SLFNL1: variants seen among roughly 807,000 people sequenced by gnomAD.
SLFNL1 encodes schlafen like 1.
In SLFNL1, 26 loss-of-function variants were observed where a neutral mutation model predicts 32.5. The ratio of observed to expected loss-of-function variants is 0.80; its 90% confidence interval spans 0.59 to 1.11. The LOEUF is 1.11. Among genes scored for constraint, SLFNL1 ranks in the 50% least tolerant of loss-of-function variants. The pLI is 0.00. For synonymous variants in SLFNL1, 255 were observed against 242.2 expected, an observed-to-expected ratio of 1.05 and a Z score of -0.49; for missense variants, 553 against 546.5, an observed-to-expected ratio of 1.01 and a Z score of -0.12.
chr1:41,017,427 A>G lies in SLFNL1; in HGVS notation c.958-50T>C, dbSNP rs1445009173. 2 of 1,587,866 alleles carry G rather than the reference A, an allele frequency of 1.3e-6. No individual in the cohort carries two copies. Among genetic ancestry groups the G allele is most frequent in the Non-Finnish European group, 1.7e-6 (2 of 1,166,654 alleles). ...GGAGGCGCCGCCCCTCACGGTCGGC[A>G]GCCCCCATCCTGCCAGGCTGCTCAG... is the stretch of plus-strand genomic sequence containing the variant. On this transcript the variant is annotated intron_variant, in intron 4 of 5. Transcript: ENST00000302946. The surrounding 1 kb of genome is among the most constrained non-coding windows in gnomAD (Gnocchi z 4.9).
chr1:41,018,297 G>C, intron 3 of SLFNL1, 141 bp from the exon 4 acceptor site: 1 of 854,546 alleles, frequency 1.2e-6, no homozygotes, highest in Non-Finnish European at 1.7e-6. Flanking sequence ...TCACCAGGCC[G>C]AGGGGCCCAG....
At chr1:41,018,377 C>T in intron 3 of SLFNL1, 1 of 456,382 alleles carries the variant, frequency 2.2e-6, no homozygotes, top group Non-Finnish European at 3.8e-6. Context: ...GCGCTCCTTT[C>T]CCTGCCAAGC....
chr1:41,020,266 AG>A lies in SLFNL1; in HGVS notation c.394del (p.Leu132CysfsTer3). The A allele has an allele frequency of 6.2e-7, 1 of 1,611,056 alleles. No homozygotes were observed. Among genetic ancestry groups the A allele is most frequent in the Non-Finnish European group, 8.5e-7 (1 of 1,178,502 alleles). ...LKELAARGKD[L>X]LLSEAQGPFS... Reference sequence around the variant, plus strand: ...GGGCCCTTGGGCCTCACTCAATAGCAGGTCCTTCCCACGGGCTGCCAGCTCC... The same window carrying A: ...GGGCCCTTGGGCCTCACTCAATAGCAGTCCTTCCCACGGGCTGCCAGCTCC... On this transcript the variant is annotated frameshift_variant, in exon 3 of 6. Coordinates refer to ENST00000302946, the MANE Select transcript of SLFNL1 (RefSeq NM_144990.4). LOFTEE classifies it high-confidence loss of function.
rs1263987428 is a variant in SLFNL1 at position 41,017,755 on chromosome 1, GTCC to G, written c.834_836del (p.Glu278del). 1.1e-5 allele frequency: 17 copies of G among 1,608,024 alleles called. No individual in the cohort carries two copies. Among genetic ancestry groups the G allele is most frequent in the Admixed American group, 1.7e-5 (1 of 59,718 alleles). On this transcript the variant is annotated inframe_deletion, in exon 4 of 6. Coordinates refer to ENST00000302946, the MANE Select transcript of SLFNL1 (RefSeq NM_144990.4). The surrounding 1 kb of genome is among the most constrained non-coding windows in gnomAD (Gnocchi z 4.9). ...TGGAGTCCACCAGCAGGCGTGCGCGGTCCTCGTCACGGTGGCTGCAGCGGATGC... is the reference window on the plus strand; with the variant it reads ...TGGAGTCCACCAGCAGGCGTGCGCGGTCGTCACGGTGGCTGCAGCGGATGC...
Position 41,020,561 on chromosome 1 carries a change from G to A in SLFNL1, c.100C>T (p.Leu34=), listed in dbSNP as rs781253946. ...TCCTCGAGGTCAGAGTACTCCGTCAGGGACTGCTCTGCGGGTAGCTCCGGC... is the reference window on the plus strand; with the variant it reads ...TCCTCGAGGTCAGAGTACTCCGTCAAGGACTGCTCTGCGGGTAGCTCCGGC... The part of the protein sequence containing the change: ...SLPELPAEQS[L]TEYSDLEEAP... Residue 34 remains leucine, a synonymous_variant, in exon 3 of 6, where the codon CTG becomes TTG. Coordinates refer to ENST00000302946, the MANE Select transcript of SLFNL1 (RefSeq NM_144990.4). 6.2e-7 allele frequency: 1 copy of A among 1,613,426 alleles called. No homozygotes were observed. Among genetic ancestry groups the A allele is most frequent in the Non-Finnish European group, 8.5e-7 (1 of 1,180,026 alleles).
Position 41,018,108 on chromosome 1 carries a change from G to T in SLFNL1, c.484C>A (p.Pro162Thr), listed in dbSNP as rs34386830. Residue 162 changes from proline (P) to threonine (T), a missense_variant, in exon 4 of 6, where the codon CCA (proline) becomes ACA (threonine). By Grantham distance (38) the Pro-to-Thr change is conservative. Coordinates refer to ENST00000302946, the MANE Select transcript of SLFNL1 (RefSeq NM_144990.4). ...EDSGLSPGPS[P>T]GSGVPLPTWP... ...GTGGGCAGCGGGACACCAGAGCCTG[G>T]ACTGGGGCCAGGGCTCAGGCCACTG... 0.017 allele frequency: 26,805 copies of T among 1,541,598 alleles called. 286 individuals are homozygous for T. Among genetic ancestry groups the T allele is most frequent in the South Asian group, 0.025 (2,100 of 84,542 alleles).
In SLFNL1 at chr1:41,017,703, A is replaced by G. The variant is rs200045066; in HGVS notation, c.889T>C (p.Phe297Leu). The change falls in exon 4 of 6, where the codon TTT becomes CTT. Residue 297 changes from phenylalanine to leucine, a missense_variant. By Grantham distance (22) the Phe-to-Leu change is conservative. Transcript: ENST00000302946. This position sits in a 1 kb window ranked among gnomAD's most constrained non-coding sequence, Gnocchi z 4.9. ...AAGGTGAGAGTGTAGGCATCGGGAA[A>G]GATCTGAGGCTTGAAGCCCTGCAGG... ...SILQGFKPQI[F>L]PDAYTLTFIP... The G allele has an allele frequency of 7.3e-5, 116 of 1,587,118 alleles. No homozygotes were observed. The East Asian group carries it at 2.5e-3, about 34-fold the overall frequency.
intron 3 of SLFNL1, among the ~76,000 whole-genome samples, chr1:41,019,556 A>G (rs1643659311): frequency 6.6e-6 from 1 of 151,996 alleles, no homozygotes; most frequent in Non-Finnish European, 1.5e-5. Flanking sequence ...GGGACACCAA[A>G]TGGTTTGCCC....
At chr1:41,021,048 G>C in intron 1 of SLFNL1, 178 bp from the exon 2 acceptor site, 1 of 197,142 alleles carries the variant, frequency 5.1e-6, no homozygotes, top group South Asian at 1.2e-4. Flanking sequence ...GGCCTCCTAG[G>C]TACCCTCAGG....
chr1:41,017,681 G>A lies in SLFNL1; in HGVS notation c.911C>T (p.Thr304Ile), dbSNP rs772476700. ...PQIFPDAYTL[T>I]FIPVISTSET... ...CGAGGTACTGATCACAGGGATGAAG[G>A]TGAGAGTGTAGGCATCGGGAAAGAT... The change falls in exon 4 of 6, where the codon ACC (threonine) becomes ATC (isoleucine). Residue 304 changes from threonine to isoleucine, a missense_variant. Physicochemically the swap from Thr to Ile is moderately conservative, Grantham distance 89. Coordinates refer to ENST00000302946, the MANE Select transcript of SLFNL1 (RefSeq NM_144990.4). The surrounding 1 kb of genome is among the most constrained non-coding windows in gnomAD (Gnocchi z 4.9). 5.8e-6 allele frequency: 9 copies of A among 1,565,130 alleles called. No individual in the cohort carries two copies. The Admixed American group carries it at 7.1e-5, about 12-fold the overall frequency.
intron 1 of SLFNL1, 67 bp from the exon 2 acceptor site, chr1:41,020,937 C>T: frequency 2.3e-6 from 1 of 431,272 alleles, no homozygotes; most frequent in Non-Finnish European, 4.2e-6. Flanking sequence ...ACGGGATCTG[C>T]CCAAAAAGTG....
chr1:41,016,403 A>G, intron 5 of SLFNL1, 175 bp from the exon 6 acceptor site: 1 of 989,086 alleles, frequency 1.0e-6, no homozygotes, highest in Non-Finnish European at 1.5e-6. Flanking sequence ...TGTCAGCCTG[A>G]GGGAAGCTGC....
At position 41,017,716 on chromosome 1, in the gene SLFNL1, G is replaced by C; in HGVS notation, c.876C>G (p.Phe292Leu). 1.9e-6 allele frequency: 3 copies of C among 1,598,374 alleles called. No individual in the cohort carries two copies. Among genetic ancestry groups the C allele is most frequent in the Non-Finnish European group, 1.7e-6 (2 of 1,170,366 alleles). The change falls in exon 4 of 6, where the codon TTC (phenylalanine) becomes TTG (leucine). Residue 292 changes from phenylalanine (F) to leucine (L), a missense_variant. Transcript: ENST00000302946. The surrounding 1 kb of genome is among the most constrained non-coding windows in gnomAD (Gnocchi z 4.9). ...AGGCATCGGGAAAGATCTGAGGCTT[G>C]AAGCCCTGCAGGATGGAGTCCACCA... Reference protein sequence around the residue: ...RLLVDSILQGFKPQIFPDAYT... With the variant: ...RLLVDSILQGLKPQIFPDAYT...
rs749860699 is a variant in SLFNL1 at position 41,017,312 on chromosome 1, CT to C, written c.1022del (p.Gln341ArgfsTer40). 439 of 1,613,738 alleles carry C rather than the reference CT, an allele frequency of 2.7e-4. No homozygotes were observed. The highest frequency in any genetic ancestry group is 3.6e-4 in the Non-Finnish European group (426 of 1,179,950). ...QSQPQLYQTD[Q>X]GEVFLRRDGS... is the part of the protein sequence containing the mutation. ...CGTCGCGCCGCAGAAACACCTCCCC[CT>C]GGTCTGTCTGGTAGAGTTGCGGCTG... is the stretch of plus-strand genomic sequence containing the variant. On this transcript the variant is annotated frameshift_variant, in exon 5 of 6. Coordinates refer to ENST00000302946, the MANE Select transcript of SLFNL1 (RefSeq NM_144990.4). LOFTEE classifies it high-confidence loss of function. This position sits in a 1 kb window ranked among gnomAD's most constrained non-coding sequence, Gnocchi z 4.9.
Position 41,020,486 on chromosome 1 carries a change from A to T in SLFNL1, c.175T>A (p.Ser59Thr), listed in dbSNP as rs986161425. The change falls in exon 3 of 6, where the codon TCA (serine) becomes ACA (threonine). Residue 59 changes from serine (S) to threonine (T), a missense_variant. Transcript: ENST00000302946. ...AGCAGGCAGGCAAGCACCGGCACTG[A>T]GAACTGGGGGTTCAGATGGCCCACA... is the stretch of plus-strand genomic sequence containing the variant. Reference protein sequence around the residue: ...LYVGHLNPQFSVPVLACLLRD... With the variant: ...LYVGHLNPQFTVPVLACLLRD... The T allele has an allele frequency of 1.5e-5, 24 of 1,613,364 alleles. No individual in the cohort carries two copies. Among genetic ancestry groups the T allele is most frequent in the Non-Finnish European group, 2.0e-5 (24 of 1,180,030 alleles).
At chr1:41,018,870 C>T (rs1050682450) in intron 3 of SLFNL1, among the ~76,000 whole-genome samples, 1 of 145,946 alleles carries the variant, frequency 6.9e-6, no homozygotes, top group Non-Finnish European at 1.5e-5. Context: ...GAGTCTCGCC[C>T]TGTCACCCAG....
In SLFNL1 at chr1:41,020,366, T is replaced by C; in HGVS notation, c.295A>G (p.Thr99Ala). The change falls in exon 3 of 6, where the codon ACT becomes GCT. Residue 99 changes from threonine (T) to alanine (A), a missense_variant. Thr to Ala is a moderately conservative substitution (Grantham distance 58). Coordinates refer to ENST00000302946, the MANE Select transcript of SLFNL1 (RefSeq NM_144990.4). ...GAGGCCAGGGTGTCCCTGTGGACAG[T>C]CACCTGCACCAGTGCATAGGCCTTC... Reference protein sequence around the residue: ...PRKAYALVQVTVHRDTLASLP... With the variant: ...PRKAYALVQVAVHRDTLASLP... 6.2e-7 allele frequency: 1 copy of C among 1,613,382 alleles called. No homozygotes were observed. The highest frequency in any genetic ancestry group is 8.5e-7 in the Non-Finnish European group (1 of 1,180,020).
rs180973738 is a variant in SLFNL1 at position 41,020,518 on chromosome 1, G to T, written c.143C>A (p.Thr48Asn). The change falls in exon 3 of 6, where the codon ACT (threonine) becomes AAT (asparagine). Residue 48 changes from threonine to asparagine, a missense_variant. By Grantham distance (65) the Thr-to-Asn change is moderately conservative. Transcript: ENST00000302946. ...GGGGTTCAGATGGCCCACATAGAGA[G>T]TGTGCGCCGAGGGAGCCTCCTCGAG... The part of the protein sequence containing the change: ...SDLEEAPSAH[T>N]LYVGHLNPQF... The T allele has an allele frequency of 1.9e-6, 3 of 1,613,518 alleles. No homozygotes were observed. The Admixed American group carries it at 5.0e-5, about 27-fold the overall frequency.
chr1:41,016,339 C>T, intron 5 of SLFNL1, 111 bp from the exon 6 acceptor site: 4 of 1,484,004 alleles, frequency 2.7e-6, no homozygotes, highest in Non-Finnish European at 3.6e-6. Context: ...AGCCTGAGAG[C>T]TTTCTCAGCT....
Sources: gnomAD v4.1 joint callset for allele counts (sites outside exome capture counted in the v4.1 genomes callset) on GRCh38, gnomAD v4.1.1 for gene constraint, Gnocchi (gnomAD v3.1) non-coding constraint, MANE v1.5 for transcripts, NCBI Gene and HGNC (gene_info 2026-07-23, HGNC 2026-07-21) for gene names.